Variants in CNTNAP2 observed in about 807,000 individuals in gnomAD.
CNTNAP2 encodes the protein contactin associated protein 2.
A neutral mutation model predicts 155.2 loss-of-function variants in CNTNAP2; 98 were observed. That is an observed-to-expected ratio of 0.63 (90% CI 0.54 to 0.75). CNTNAP2 has a LOEUF of 0.75. CNTNAP2 is among the 30% of genes least tolerant of loss of function. The pLI is 0.00. For missense variants in CNTNAP2, 1,727 were observed against 1,688.1 expected (o/e 1.02, Z -0.40); for synonymous variants, 651 against 631.2 (o/e 1.03, Z -0.47).
chr7:147,303,134 T>C (rs1048307424), intron 9 of CNTNAP2, among the ~76,000 whole-genome samples: 13 of 152,208 alleles, frequency 8.5e-5, no homozygotes, highest in African/African-American at 2.9e-4. Flanking sequence ...CCAGAATCTT[T>C]TACCATCTTC....
At chr7:147,682,749 G>A (rs1008399122) in intron 13 of CNTNAP2, among the ~76,000 whole-genome samples, 1 of 151,970 alleles carries the variant, frequency 6.6e-6, no homozygotes, top group African/African-American at 2.4e-5. Context: ...AGTGGGGAAA[G>A]ATATTCGTAT....
intron 1 of CNTNAP2, among the ~76,000 whole-genome samples, chr7:146,331,296 T>C (rs1182600998): frequency 7.6e-6 from 1 of 131,160 alleles, no homozygotes; most frequent in Admixed American, 8.1e-5. Context: ...AGAGCGAGAC[T>C]CCGTCTCAAA....
intron 21 of CNTNAP2, among the ~76,000 whole-genome samples, chr7:148,326,293 G>T (rs1477133705): frequency 6.6e-6 from 1 of 152,136 alleles, no homozygotes; most frequent in Non-Finnish European, 1.5e-5. Context: ...TCATCCAGAG[G>T]GAAGCTGGAT....
intron 4 of CNTNAP2, among the ~76,000 whole-genome samples, chr7:147,070,284 C>G (rs150966681): frequency 1.3e-5 from 2 of 152,078 alleles, no homozygotes; most frequent in Non-Finnish European, 2.9e-5. Context: ...TAGATTCATC[C>G]GAAACACTCA....
At chr7:146,954,050 G>T (rs1797382608) in intron 3 of CNTNAP2, among the ~76,000 whole-genome samples, 1 of 151,844 alleles carries the variant, frequency 6.6e-6, no homozygotes, top group Non-Finnish European at 1.5e-5. Flanking sequence ...TCAGATAAAA[G>T]CAACTCTTAT....
At chr7:147,620,644 C>G (rs916039178) in intron 12 of CNTNAP2, among the ~76,000 whole-genome samples, 26 of 151,554 alleles carry the variant, frequency 1.7e-4, no homozygotes, top group African/African-American at 5.6e-4. Context: ...AGAGATCAAA[C>G]AGAAGAATTA....
At chr7:147,168,797 AAAT>A (rs1209664250) in intron 8 of CNTNAP2, among the ~76,000 whole-genome samples, 1 of 152,146 alleles carries the variant, frequency 6.6e-6, no homozygotes, top group Non-Finnish European at 1.5e-5. Flanking sequence ...TACTGCAAAC[AAAT>A]AATAAGCTAG....
chr7:147,749,934 C>T (rs1797107520), intron 13 of CNTNAP2, among the ~76,000 whole-genome samples: 1 of 152,136 alleles, frequency 6.6e-6, no homozygotes, highest in Admixed American at 6.5e-5. Flanking sequence ...CAAATACACA[C>T]AAATATATTT....
chr7:146,907,851 C>T (rs897023671), intron 3 of CNTNAP2, among the ~76,000 whole-genome samples: 3 of 152,158 alleles, frequency 2.0e-5, no homozygotes, highest in African/African-American at 7.2e-5. Flanking sequence ...AAGACACAGA[C>T]TGGCAAGTTG....
At chr7:148,368,796 A>G (rs972887190) in intron 21 of CNTNAP2, among the ~76,000 whole-genome samples, 3 of 152,122 alleles carry the variant, frequency 2.0e-5, no homozygotes, top group Non-Finnish European at 4.4e-5. Context: ...CAGGGGCTGC[A>G]TGCACCGGTG....
intron 11 of CNTNAP2, 103 bp downstream of exon 11, chr7:147,486,144 T>C: frequency 1.2e-6 from 1 of 844,892 alleles, no homozygotes; most frequent in South Asian, 1.6e-5. Context: ...ACATAATACA[T>C]CACTCGAATC....
At chr7:146,964,069 A>G (rs1205204657) in intron 3 of CNTNAP2, among the ~76,000 whole-genome samples, 1 of 152,186 alleles carries the variant, frequency 6.6e-6, no homozygotes, top group Non-Finnish European at 1.5e-5. Context: ...AAAAATGAGA[A>G]AATCCATGAG....
At chr7:146,732,549 C>T (rs1801544053) in intron 1 of CNTNAP2, among the ~76,000 whole-genome samples, 1 of 152,076 alleles carries the variant, frequency 6.6e-6, no homozygotes, top group Non-Finnish European at 1.5e-5. Flanking sequence ...GAGATAACTT[C>T]AATGCATTTA....
intron 21 of CNTNAP2, among the ~76,000 whole-genome samples, chr7:148,268,562 G>A (rs1972331): frequency 0.2 from 30,355 of 151,898 alleles, 3,129 homozygotes; most frequent in Middle Eastern, 0.26. Flanking sequence ...GGCTGAGGCA[G>A]GAGAATGGCG....
intron 13 of CNTNAP2, among the ~76,000 whole-genome samples, chr7:147,828,187 C>A (rs1256829790): frequency 6.6e-6 from 1 of 152,136 alleles, no homozygotes; most frequent in Non-Finnish European, 1.5e-5. Flanking sequence ...CATTCTAGAG[C>A]TTTGTTCACT....
intron 1 of CNTNAP2, among the ~76,000 whole-genome samples, chr7:146,681,609 G>T (rs1235268364): frequency 4.2e-5 from 5 of 118,914 alleles, no homozygotes; most frequent in Admixed American, 8.1e-5. Context: ...GGGTGGGAAA[G>T]GGGAGAGTGG....
rs1168358750 is a variant in CNTNAP2, at chr7:148,250,806, T to A, written c.3382-16227T>A. Among the ~76,000 whole-genome samples, 4 of 152,242 alleles carry A rather than the reference T, an allele frequency of 2.6e-5. No homozygotes were observed. The East Asian group carries it at 7.7e-4, about 29-fold the overall frequency. On this transcript the variant is annotated intron_variant, in intron 20 of 23. Transcript: ENST00000361727. ...GTACCCGGCCTCATTTTACTTATTA[T>A]AGCCACAGGTTCAAATCTATTCATA...
At chr7:147,086,236 T>C (rs1418356784) in intron 4 of CNTNAP2, among the ~76,000 whole-genome samples, 1 of 152,102 alleles carries the variant, frequency 6.6e-6, no homozygotes, top group Non-Finnish European at 1.5e-5. Flanking sequence ...TCAATGAGTT[T>C]TGAAAGAGGA....
chr7:146,698,676 G>T (rs1034262427), intron 1 of CNTNAP2, among the ~76,000 whole-genome samples: 1 of 152,018 alleles, frequency 6.6e-6, no homozygotes, highest in African/African-American at 2.4e-5. Flanking sequence ...ATTCGAAAAA[G>T]CATCAGCATT....
Sources: gnomAD v4.1 joint callset for allele counts (sites outside exome capture counted in the v4.1 genomes callset) on GRCh38, gnomAD v4.1.1 for gene constraint, MANE v1.5 for transcripts, NCBI Gene and HGNC (gene_info 2026-07-23, HGNC 2026-07-21) for gene names.